The following SUCLG2 variants were observed in gnomAD, a reference collection of about 807,000 sequenced individuals.
The protein encoded by SUCLG2 is succinate--CoA ligase [GDP-forming] subunit beta, mitochondrial.
SUCLG2 carries 42 observed loss-of-function variants against 47.9 expected under a neutral mutation model. The observed-to-expected ratio is 0.88, with a 90% confidence interval of 0.69 to 1.14. SUCLG2 has a LOEUF of 1.14. Among genes scored for constraint, SUCLG2 ranks in the 50% most tolerant of loss-of-function variants. SUCLG2 has a pLI of 0.00. For missense variants in SUCLG2, 571 were observed against 525.9 expected, an observed-to-expected ratio of 1.09 and a Z score of -0.84; for synonymous variants, 195 against 197.3, an observed-to-expected ratio of 0.99 and a Z score of 0.10.
chr3:67,645,751 G>A (rs368837083), intron 1 of SUCLG2, among the ~76,000 whole-genome samples: 3 of 151,458 alleles, frequency 2.0e-5, no homozygotes, highest in African/African-American at 4.9e-5. Flanking sequence ...AAAGGCCCAC[G>A]TAAGCCCTCA....
intron 2 of SUCLG2, among the ~76,000 whole-genome samples, chr3:67,567,830 T>C (rs1371049223): frequency 1.3e-5 from 2 of 152,258 alleles, no homozygotes; most frequent in Non-Finnish European, 2.9e-5. Context: ...AAAGAAAATC[T>C]GTCTTTTTAT....
chr3:67,411,676 C>T (rs909731779), intron 9 of SUCLG2, among the ~76,000 whole-genome samples: 1 of 152,108 alleles, frequency 6.6e-6, no homozygotes, highest in Non-Finnish European at 1.5e-5. Context: ...TGCCAAATTT[C>T]TTTACAAAAA....
At chr3:67,428,722 C>A (rs543756505) in intron 9 of SUCLG2, among the ~76,000 whole-genome samples, 59 of 152,220 alleles carry the variant, frequency 3.9e-4, no homozygotes, top group African/African-American at 1.3e-3. Flanking sequence ...AGACAAATGG[C>A]TAACTAGAAT....
intron 10 of SUCLG2, among the ~76,000 whole-genome samples, chr3:67,364,576 C>T (rs978914274): frequency 1.3e-5 from 2 of 152,178 alleles, no homozygotes; most frequent in South Asian, 4.1e-4. Context: ...TGCCCACCCA[C>T]CCAGGAGTGA....
At chr3:67,576,291 A>C (rs1199603243) in intron 2 of SUCLG2, among the ~76,000 whole-genome samples, 1 of 152,178 alleles carries the variant, frequency 6.6e-6, no homozygotes. Context: ...GTTCCTTTAT[A>C]ACCTAGCGAC....
At chr3:67,419,183 C>T (rs538015922) in intron 9 of SUCLG2, among the ~76,000 whole-genome samples, 2 of 152,284 alleles carry the variant, frequency 1.3e-5, no homozygotes, top group Admixed American at 6.5e-5. Flanking sequence ...AAGAAACTGA[C>T]TTTCTGTTGA....
intron 9 of SUCLG2, among the ~76,000 whole-genome samples, chr3:67,405,061 G>T (rs1164938230): frequency 6.6e-6 from 1 of 150,612 alleles, no homozygotes; most frequent in Non-Finnish European, 1.5e-5. Context: ...TTTGGGAACA[G>T]AGGCTTTTTC....
chr3:67,403,021 G>A (rs1559513141), intron 9 of SUCLG2, among the ~76,000 whole-genome samples: 1 of 152,160 alleles, frequency 6.6e-6, no homozygotes, highest in Admixed American at 6.5e-5. Context: ...TGTCAAACAG[G>A]AATCAGTGTT....
At chr3:67,534,768 CAAAAAAA>C (rs60612549) in intron 2 of SUCLG2, among the ~76,000 whole-genome samples, 30 of 34,944 alleles carry the variant, frequency 8.6e-4, no homozygotes, top group African/African-American at 2.6e-3. Flanking sequence ...ACACTGATGG[CAAAAAAA>C]AAAAAAAAAA....
intron 2 of SUCLG2, among the ~76,000 whole-genome samples, chr3:67,605,102 C>G (rs1700384854): frequency 6.6e-6 from 1 of 152,132 alleles, no homozygotes; most frequent in Non-Finnish European, 1.5e-5. Flanking sequence ...ATAGAACTTT[C>G]TCAGTGTTAG....
At chr3:67,575,128 T>A (rs761732527) in intron 2 of SUCLG2, among the ~76,000 whole-genome samples, 2 of 152,214 alleles carry the variant, frequency 1.3e-5, no homozygotes, top group Non-Finnish European at 2.9e-5. Flanking sequence ...TGTAGCTACT[T>A]TGGAAAAAGT....
chr3:67,365,230 A>G (rs1412720504), intron 10 of SUCLG2, among the ~76,000 whole-genome samples: 4 of 152,218 alleles, frequency 2.6e-5, no homozygotes, highest in African/African-American at 9.6e-5. Flanking sequence ...GTGGGGCTGG[A>G]AACTTGAAGA....
At chr3:67,391,537 A>T (rs1702382506) in intron 10 of SUCLG2, among the ~76,000 whole-genome samples, 1 of 152,170 alleles carries the variant, frequency 6.6e-6, no homozygotes, top group Non-Finnish European at 1.5e-5. Context: ...GTCTTCAGTT[A>T]TGCTAGGTTC....
chr3:67,393,357 C>A (rs1239213864), intron 10 of SUCLG2, among the ~76,000 whole-genome samples: 2 of 151,938 alleles, frequency 1.3e-5, no homozygotes, highest in Non-Finnish European at 1.5e-5. Flanking sequence ...AAACGGCGCA[C>A]CAGGAGATTA....
chr3:67,399,107 C>A (rs1338321386), intron 10 of SUCLG2, among the ~76,000 whole-genome samples: 4 of 150,824 alleles, frequency 2.7e-5, no homozygotes, highest in Non-Finnish European at 4.4e-5. Context: ...ACCAGCATGG[C>A]ACATGTATAC....
At chr3:67,594,915 C>T (rs1575803925) in intron 2 of SUCLG2, among the ~76,000 whole-genome samples, 4 of 152,088 alleles carry the variant, frequency 2.6e-5, no homozygotes, top group South Asian at 2.1e-4. Context: ...AAGAATTACA[C>T]CAGATTTTTA....
rs767326428 is a variant in SUCLG2, at chr3:67,654,510, C to T, written c.77G>A (p.Gly26Glu). ...TCCTGCCCCCACGCTCACCTGGGAC[C>T]CGGCCGCCAGGAAGCGGGGCCGCAG... ...LALRPRFLAA[G>E]SQAVQLTSRR... The change falls in exon 1 of 11, where the codon GGG (glycine) becomes GAG (glutamate). Residue 26 changes from glycine (G) to glutamate (E), a missense_variant. By Grantham distance (98) the Gly-to-Glu change is moderately conservative. Transcript: ENST00000307227. The T allele has an allele frequency of 2.4e-6, 3 of 1,241,826 alleles. No individual in the cohort carries two copies. The highest frequency in any genetic ancestry group is 3.0e-6 in the Non-Finnish European group (3 of 991,528). 76.9% of individuals were successfully genotyped at this position (1,241,826 alleles called of 1,614,324 possible).
intron 2 of SUCLG2, among the ~76,000 whole-genome samples, chr3:67,591,798 C>G (rs899137982): frequency 2.6e-5 from 4 of 152,142 alleles, no homozygotes; most frequent in African/African-American, 9.7e-5. Context: ...GTGGAAAAAT[C>G]ATAAACTGCC....
intron 2 of SUCLG2, among the ~76,000 whole-genome samples, chr3:67,542,508 A>G (rs186072363): frequency 6.6e-6 from 1 of 152,326 alleles, no homozygotes; most frequent in East Asian, 1.9e-4. Flanking sequence ...AATGAGGTAA[A>G]TGCCCCAATT....
Sources: allele counts gnomAD v4.1 joint callset (sites outside exome capture counted in the v4.1 genomes callset), GRCh38; gene constraint gnomAD v4.1.1; transcripts MANE v1.5; gene names NCBI Gene and HGNC (gene_info 2026-07-23, HGNC 2026-07-21).